Variants in ITGA11 observed in about 807,000 individuals in gnomAD.
The protein encoded by ITGA11 is integrin subunit alpha 11.
Under a neutral mutation model 141.9 loss-of-function variants are expected in ITGA11, and 97 were observed. The ratio of observed to expected loss-of-function variants is 0.68; its 90% CI spans 0.58 to 0.81. ITGA11 has a LOEUF of 0.81. Among genes scored for constraint, ITGA11 ranks in the 30% least tolerant of loss-of-function variants. The pLI, the probability that ITGA11 is intolerant of heterozygous loss-of-function variation, is 0.00. For synonymous variants in ITGA11, 658 were observed against 624.6 expected (o/e 1.05, Z -0.80); for missense variants, 1,387 against 1,559.2 (o/e 0.89, Z 1.86).
Position 68,322,674 on chromosome 15 carries a change from C to G in ITGA11, c.2323-1171G>C, listed in dbSNP as rs1893849154. Among the ~76,000 whole-genome samples, 1 of 151,958 alleles carries G rather than the reference C, an allele frequency of 6.6e-6. No individual in the cohort carries two copies. Among genetic ancestry groups the G allele is most frequent in the South Asian group, 2.1e-4 (1 of 4,804 alleles). ...CTGAGGTCAGGAGTTCAAGAACAAC[C>G]AGGCCAACATGGTGAAACTTTGTCT... On this transcript the variant is annotated intron_variant, in intron 18 of 29. Transcript: ENST00000315757. This position sits in a 1 kb window ranked among gnomAD's most constrained non-coding sequence, Gnocchi z 5.6.
At chr15:68,348,477 T>G (rs994528124) in intron 10 of ITGA11, among the ~76,000 whole-genome samples, 1 of 152,212 alleles carries the variant, frequency 6.6e-6, no homozygotes, top group Admixed American at 6.5e-5. Context: ...ACCCCGCGCC[T>G]CACAGGTGAA....
At chr15:68,357,642 G>C (rs1267755751) in intron 6 of ITGA11, among the ~76,000 whole-genome samples, 2 of 151,934 alleles carry the variant, frequency 1.3e-5, no homozygotes, top group Non-Finnish European at 2.9e-5. Flanking sequence ...TGGGTGGAAG[G>C]TCACAGTGTT....
chr15:68,342,997 TTCTCTC>T (rs6145615), intron 10 of ITGA11, among the ~76,000 whole-genome samples: 3,570 of 143,966 alleles, frequency 0.025, 78 homozygotes, highest in African/African-American at 0.07. Context: ...GGGCAAGTTC[TTCTCTC>T]TCTCTCTCTC....
intron 2 of ITGA11, among the ~76,000 whole-genome samples, chr15:68,383,376 CA>C (rs1367496495): frequency 6.6e-6 from 1 of 151,882 alleles, no homozygotes; most frequent in Non-Finnish European, 1.5e-5. Flanking sequence ...CTGCAGAAAA[CA>C]AGGGTTAGAT....
At chr15:68,330,950 C>T in intron 15 of ITGA11, 31 bp downstream of exon 15, 3 of 1,612,922 alleles carry the variant, frequency 1.9e-6, no homozygotes, top group Non-Finnish European at 2.5e-6. Flanking sequence ...TTCAGGAGAG[C>T]CCAGGAGGTG....
At chr15:68,379,387 G>C (rs115928648) in intron 2 of ITGA11, among the ~76,000 whole-genome samples, 184 of 152,324 alleles carry the variant, frequency 1.2e-3, no homozygotes, top group African/African-American at 4.2e-3. Context: ...AGCAGAGAGA[G>C]AGAGACCCTG....
rs932695538 is a variant in ITGA11, at chr15:68,324,814, C to T, written c.2322+317G>A. 3.3e-5 allele frequency among the ~76,000 whole-genome samples: 5 copies of T among 152,098 alleles called. No homozygotes were observed. Among genetic ancestry groups the T allele is most frequent in the East Asian group, 3.9e-4 (2 of 5,186 alleles). ...GAGGGAGGTGGGTGATTAAGATCTC[C>T]GATCCCTTCTCATCCAGTGGTTCTT... is the stretch of plus-strand genomic sequence containing the variant. On this transcript the variant is annotated intron_variant, in intron 18 of 29. Transcript: ENST00000315757. The surrounding 1 kb of genome is among the most constrained non-coding windows in gnomAD (Gnocchi z 6.3).
In ITGA11 at chr15:68,326,675, C is replaced by T. The variant is rs372899316; in HGVS notation, c.2190G>A (p.Glu730=). The T allele has an allele frequency of 2.6e-5, 42 of 1,591,408 alleles. No homozygotes were observed. Among genetic ancestry groups the T allele is most frequent in the Non-Finnish European group, 3.5e-5 (41 of 1,169,250 alleles). The part of the protein sequence containing the change: ...VLLSSGQELC[E]RINFHVLDTA... The stretch of plus-strand genomic sequence containing the variant: ...TTACCAGGACATGGAAGTTGATCCG[C>T]TCACAGAGCTCCTGGCCGGAGGAGA... The change falls in exon 17 of 30, where the codon GAG becomes GAA. Residue 730 remains glutamate, a synonymous_variant. Transcript: ENST00000315757. This position sits in a 1 kb window ranked among gnomAD's most constrained non-coding sequence, Gnocchi z 6.8.
At position 68,303,726 on chromosome 15, in the gene ITGA11, C is replaced by T. The variant is rs770443767; in HGVS notation, c.3495+46G>A. The T allele has an allele frequency of 7.2e-7, 1 of 1,381,708 alleles. No homozygotes were observed. The highest frequency in any genetic ancestry group is 1.8e-5 in the Admixed American group (1 of 56,684). 85.6% of individuals were successfully genotyped at this position (1,381,708 alleles called of 1,614,324 possible). On this transcript the variant is annotated intron_variant, in intron 29 of 29. Transcript: ENST00000315757. The surrounding 1 kb of genome is among the most constrained non-coding windows in gnomAD (Gnocchi z 5.3). ...AGTTCCAGGGGCTGGAGCCTGGGCC[C>T]ACCAGCCAGGATGCTGCTCCTTCCC...
chr15:68,431,468 G>A (rs1897269653), intron 1 of ITGA11, among the ~76,000 whole-genome samples: 2 of 152,334 alleles, frequency 1.3e-5, no homozygotes, highest in Admixed American at 1.3e-4. Context: ...CATCGCCCCG[G>A]GGCTTTGCTC....
chr15:68,303,649 G>A lies in ITGA11; in HGVS notation c.3495+123C>T, dbSNP rs1893098607. ...CCCTAACCAGTGTGTCTGCTATGGC[G>A]AGGGGTGGGGTGCCAGCTCCCCTGG... is the stretch of plus-strand genomic sequence containing the variant. On this transcript the variant is annotated intron_variant, in intron 29 of 29. Coordinates refer to ENST00000315757, the MANE Select transcript of ITGA11 (RefSeq NM_001004439.2). The surrounding 1 kb of genome is among the most constrained non-coding windows in gnomAD (Gnocchi z 5.3). 3 of 630,846 alleles carry A rather than the reference G, an allele frequency of 4.8e-6. No individual in the cohort carries two copies. The highest frequency in any genetic ancestry group is 2.0e-5 in the South Asian group (1 of 50,486). The allele number at this position is 630,846 out of a possible 1,614,324, so 39.1% of individuals were successfully genotyped here. A position where few individuals can be genotyped will look rare whatever the true frequency, so the allele number is the denominator to read the frequency against.
In ITGA11 at chr15:68,351,414, GCAC is replaced by G; in HGVS notation, c.750-15_750-13del. 1 of 1,613,314 alleles carries G rather than the reference GCAC, an allele frequency of 6.2e-7. No homozygotes were observed. Among genetic ancestry groups the G allele is most frequent in the Non-Finnish European group, 8.5e-7 (1 of 1,179,720 alleles). ...GGAAAGCCTCTGAGCTGGAAGCCAA[GCAC>G]AGGGGCAGGGTCATGAAAGGTAAGT... On this transcript the variant is annotated splice_polypyrimidine_tract_variant and intron_variant, in intron 7 of 29. Coordinates refer to ENST00000315757, the MANE Select transcript of ITGA11 (RefSeq NM_001004439.2).
chr15:68,366,086 A>C (rs1269043722), intron 3 of ITGA11, among the ~76,000 whole-genome samples: 1 of 152,154 alleles, frequency 6.6e-6, no homozygotes, highest in African/African-American at 2.4e-5. Context: ...CTCAGTTTGA[A>C]GCAAGGCTCC....
intron 7 of ITGA11, among the ~76,000 whole-genome samples, chr15:68,352,748 A>G (rs372849004): frequency 1.3e-5 from 2 of 152,334 alleles, no homozygotes; most frequent in African/African-American, 4.8e-5. Context: ...TGCCCAGAGC[A>G]TGAGCTCAGC....
chr15:68,419,106 G>A (rs8023993), intron 1 of ITGA11, among the ~76,000 whole-genome samples: 1 of 151,860 alleles, frequency 6.6e-6, no homozygotes, highest in Admixed American at 6.6e-5. Flanking sequence ...ATCTGAAAAG[G>A]TCTCTGGCTG....
rs1037341379 is a variant in ITGA11, at chr15:68,326,253, C to T, written c.2211+401G>A. On this transcript the variant is annotated intron_variant, in intron 17 of 29. Transcript: ENST00000315757. The surrounding 1 kb of genome is among the most constrained non-coding windows in gnomAD (Gnocchi z 6.8). Reference sequence around the variant, plus strand: ...ACCCTACTTGTGACATCACTGGCGCCCCTCTCTGTCTCACCTCCTGTTTTG... The same window carrying T: ...ACCCTACTTGTGACATCACTGGCGCTCCTCTCTGTCTCACCTCCTGTTTTG... Among the ~76,000 whole-genome samples, 2 of 152,200 alleles carry T rather than the reference C, an allele frequency of 1.3e-5. No homozygotes were observed. The highest frequency in any genetic ancestry group is 6.5e-5 in the Admixed American group (1 of 15,280).
chr15:68,397,661 AT>A (rs1165044906), intron 2 of ITGA11, among the ~76,000 whole-genome samples: 5 of 112,136 alleles, frequency 4.5e-5, no homozygotes, highest in African/African-American at 1.8e-4. Context: ...TAAAATATAT[AT>A]TATAAAATAT....
intron 1 of ITGA11, among the ~76,000 whole-genome samples, chr15:68,406,981 A>T (rs1451106518): frequency 6.6e-6 from 1 of 152,204 alleles, no homozygotes; most frequent in Non-Finnish European, 1.5e-5. Flanking sequence ...AGCTGGACAC[A>T]TGACCACATA....
At chr15:68,425,911 T>C (rs957182319) in intron 1 of ITGA11, among the ~76,000 whole-genome samples, 10 of 152,222 alleles carry the variant, frequency 6.6e-5, no homozygotes, top group African/African-American at 2.2e-4. Context: ...CCGGAGTGCA[T>C]TGCTATAGCA....
Sources: gnomAD v4.1 joint callset for allele counts (sites outside exome capture counted in the v4.1 genomes callset) on GRCh38, gnomAD v4.1.1 for gene constraint, Gnocchi (gnomAD v3.1) non-coding constraint, MANE v1.5 for transcripts, NCBI Gene and HGNC (gene_info 2026-07-23, HGNC 2026-07-21) for gene names.